SLF2: variants seen among roughly 807,000 people sequenced by gnomAD.
The protein encoded by SLF2 is SMC5-SMC6 complex localization factor protein 2.
SLF2 carries 68 observed loss-of-function variants against 124.3 expected under a neutral mutation model. That is an observed-to-expected ratio of 0.55 (90% confidence interval 0.45 to 0.67). The LOEUF (loss-of-function observed/expected upper bound fraction) is 0.67, where lower values mean the gene tolerates loss of function less well. Among genes scored for constraint, SLF2 ranks in the 30% least tolerant of loss-of-function variants. The pLI, the probability that SLF2 is intolerant of heterozygous loss-of-function variation, is 0.00. For synonymous variants in SLF2, 480 were observed against 478.8 expected (o/e 1.00, Z -0.03); for missense variants, 1,246 against 1,373.7 (o/e 0.91, Z 1.47).
At chr10:100,928,045 C>A (rs5787406) in intron 6 of SLF2, among the ~76,000 whole-genome samples, 6,145 of 13,660 alleles carry the variant, frequency 0.45, 1,755 homozygotes, top group South Asian at 0.65. Context: ...CCCCCCCCCC[C>A]CACACACACA....
Position 100,947,139 on chromosome 10 carries a change from A to C in SLF2, c.3032+3A>C. ...CCTAATTGGACATCACGTGGAAGGT[A>C]TTAAAAAGTGAAAATTAAACATTAA... On this transcript the variant is annotated splice_donor_region_variant and intron_variant, in intron 14 of 19. Coordinates refer to ENST00000238961, the MANE Select transcript of SLF2 (RefSeq NM_018121.4). The C allele has an allele frequency of 6.6e-7, 1 of 1,513,092 alleles. No individual in the cohort carries two copies. The highest frequency in any genetic ancestry group is 8.9e-7 in the Non-Finnish European group (1 of 1,128,820). 93.7% of individuals were successfully genotyped at this position (1,513,092 alleles called of 1,614,324 possible).
rs533244989 is a variant in SLF2, at chr10:100,930,853, C to A, written c.2334-123C>A. 16 of 718,108 alleles carry A rather than the reference C, an allele frequency of 2.2e-5. No homozygotes were observed. The African/African-American group carries it at 2.7e-4, about 12-fold the overall frequency. 44.5% of individuals were successfully genotyped at this position (718,108 alleles called of 1,614,324 possible). A position where few individuals can be genotyped will look rare whatever the true frequency, so the allele number is the denominator to read the frequency against. ...TCATCCATATTGGTATAGAGTCCAC[C>A]TCTATGGACTGAAGACAGTTTGCTT... On this transcript the variant is annotated intron_variant, in intron 8 of 19. Transcript: ENST00000238961.
rs72842157 is a variant in SLF2, at chr10:100,947,740, C to T, written c.3033-20C>T. On this transcript the variant is annotated intron_variant, in intron 14 of 19. Transcript: ENST00000238961. ...TATTAATTAAAATACATTCTAAATA[C>T]TTTTAACTTCTAATTCTAGGCAACT... is the stretch of plus-strand genomic sequence containing the variant. The T allele has an allele frequency of 6.5e-5, 101 of 1,552,332 alleles. No homozygotes were observed. The highest frequency in any genetic ancestry group is 8.7e-5 in the Non-Finnish European group (98 of 1,128,836).
chr10:100,924,978 T>G lies in SLF2; in HGVS notation c.1971+6T>G. 6.3e-7 allele frequency: 1 copy of G among 1,599,038 alleles called. No individual in the cohort carries two copies. Among genetic ancestry groups the G allele is most frequent in the Non-Finnish European group, 8.5e-7 (1 of 1,172,960 alleles). ...CTCAGTCATCAGACTATACAGTAAGTAGTTCTGTGACGTTTATCTTTACTT... is the reference window on the plus strand; with the variant it reads ...CTCAGTCATCAGACTATACAGTAAGGAGTTCTGTGACGTTTATCTTTACTT... On this transcript the variant is annotated splice_donor_region_variant and intron_variant, in intron 5 of 19. Transcript: ENST00000238961.
chr10:100,930,867 G>A (rs1207551808), intron 8 of SLF2, 109 bp from the exon 9 acceptor site: 1 of 805,260 alleles, frequency 1.2e-6, no homozygotes, highest in Non-Finnish European at 2.1e-6. Flanking sequence ...ATGGACTGAA[G>A]ACAGTTTGCT....
intron 1 of SLF2, 43 bp downstream of exon 1, chr10:100,913,293 A>C (rs1433910037): frequency 6.6e-7 from 1 of 1,516,842 alleles, no homozygotes; most frequent in Non-Finnish European, 8.9e-7. Flanking sequence ...TCGCGGGGGC[A>C]AGGGTATGAG....
At chr10:100,917,373 T>C (rs1849437622) in intron 3 of SLF2, 73 bp downstream of exon 3, 5 of 1,447,098 alleles carry the variant, frequency 3.5e-6, no homozygotes, top group Non-Finnish European at 3.7e-6. Flanking sequence ...TAAAAATATT[T>C]AAGAGTTGTT....
chr10:100,938,806 G>C, intron 11 of SLF2, 70 bp downstream of exon 11: 1 of 1,322,620 alleles, frequency 7.6e-7, no homozygotes, highest in Middle Eastern at 2.7e-4. Context: ...TATAGCTAAA[G>C]TTTAATATTT....
In SLF2 at chr10:100,945,311, G is replaced by A. The variant is rs1371821675; in HGVS notation, c.2758-19G>A. On this transcript the variant is annotated intron_variant, in intron 12 of 19. Coordinates refer to ENST00000238961, the MANE Select transcript of SLF2 (RefSeq NM_018121.4). ...TATACCTCCTAAAATATTTTTGTCT[G>A]TGCATTTATGTTAAACAGTTTCTAG... 2 of 1,540,252 alleles carry A rather than the reference G, an allele frequency of 1.3e-6. No individual in the cohort carries two copies. The highest frequency in any genetic ancestry group is 1.3e-5 in the South Asian group (1 of 76,754).
chr10:100,917,276 T>C lies in SLF2; in HGVS notation c.891T>C (p.Pro297=). 1 of 1,609,446 alleles carries C rather than the reference T, an allele frequency of 6.2e-7. No individual in the cohort carries two copies. Among genetic ancestry groups the C allele is most frequent in the East Asian group, 2.2e-5 (1 of 44,860 alleles). Residue 297 remains proline, a synonymous_variant, in exon 3 of 20, where the codon CCT becomes CCC. Coordinates refer to ENST00000238961, the MANE Select transcript of SLF2 (RefSeq NM_018121.4). ...QEQRKQNDII[P]GKNNLSNVEN... ...AAAGGAAACAGAATGACATCATACC[T>C]GGAAAAAATAATCTGTCAAATGTGG... is the stretch of plus-strand genomic sequence containing the variant.
chr10:100,953,900 C>A (rs1850273941), intron 17 of SLF2, among the ~76,000 whole-genome samples: 1 of 152,070 alleles, frequency 6.6e-6, no homozygotes, highest in African/African-American at 2.4e-5. Flanking sequence ...GATCCACCCG[C>A]CTCAGCCTCC....
intron 9 of SLF2, among the ~76,000 whole-genome samples, chr10:100,936,684 C>T (rs1050683037): frequency 1.3e-5 from 2 of 152,084 alleles, no homozygotes; most frequent in African/African-American, 4.8e-5. Flanking sequence ...TGATATTGAG[C>T]ATCTTTGAAA....
intron 18 of SLF2, 72 bp from the exon 19 acceptor site, chr10:100,959,356 G>C: frequency 7.3e-7 from 1 of 1,377,738 alleles, no homozygotes; most frequent in Non-Finnish European, 9.7e-7. Context: ...CAGATATTTT[G>C]TGTAGTGTTA....
chr10:100,946,150 AAG>A (rs1850099436), intron 13 of SLF2, among the ~76,000 whole-genome samples: 1 of 152,156 alleles, frequency 6.6e-6, no homozygotes, highest in African/African-American at 2.4e-5. Context: ...AAGTAAGGCA[AAG>A]AGTATAATAA....
In SLF2 at chr10:100,956,454, C is replaced by T. The variant is rs761854514; in HGVS notation, c.3334C>T (p.His1112Tyr). The change falls in exon 18 of 20, where the codon CAC becomes TAC. Residue 1112 changes from histidine (H) to tyrosine (Y), a missense_variant. This residue lies in a region of SLF2 where 535 missense variants were observed against 632.8 expected (regional missense o/e 0.85). Coordinates refer to ENST00000238961, the MANE Select transcript of SLF2 (RefSeq NM_018121.4). ...SHSFSSGQRK[H>Y]FVLLCGALEK... ...CCCTTGCATTTGTTTTGCACAGAAA[C>T]ACTTTGTGCTACTCTGTGGGGCTTT... 2 of 1,598,898 alleles carry T rather than the reference C, an allele frequency of 1.3e-6. No homozygotes were observed. Among genetic ancestry groups the T allele is most frequent in the South Asian group, 1.1e-5 (1 of 87,644 alleles).
Position 100,956,524 on chromosome 10 carries a change from T to C in SLF2, c.3404T>C (p.Phe1135Ser), listed in dbSNP as rs1408295898. 6.8e-6 allele frequency: 11 copies of C among 1,611,564 alleles called. No homozygotes were observed. Among genetic ancestry groups the C allele is most frequent in the Non-Finnish European group, 8.5e-6 (10 of 1,178,450 alleles). The change falls in exon 18 of 20, where the codon TTT (phenylalanine) becomes TCT (serine). Residue 1135 changes from phenylalanine (F) to serine (S), a missense_variant. This residue lies in a region of SLF2 where 535 missense variants were observed against 632.8 expected (regional missense o/e 0.85). Transcript: ENST00000238961. Reference protein sequence around the residue: ...KCDIREDARLFYRTKVKDLVA... With the variant: ...KCDIREDARLSYRTKVKDLVA... Reference sequence around the variant, plus strand: ...GATATTAGGGAAGATGCAAGACTTTTTTACAGAACTAAGGTAAGTGTGTTC... The same window carrying C: ...GATATTAGGGAAGATGCAAGACTTTCTTACAGAACTAAGGTAAGTGTGTTC...
intron 17 of SLF2, among the ~76,000 whole-genome samples, chr10:100,952,136 C>T (rs1220518266): frequency 2.6e-5 from 4 of 151,556 alleles, no homozygotes; most frequent in Admixed American, 6.6e-5. Flanking sequence ...CCCAGCCACT[C>T]GGGAGGCTGA....
rs1166909766 is a variant in SLF2, at chr10:100,938,786, TATATATA to T, written c.2654+53_2654+59del. The stretch of plus-strand genomic sequence containing the variant: ...GCCAAAAATATCATTTCGTACGACT[TATATATA>T]ATTATAGCTAAAGTTTAATATTTAT... On this transcript the variant is annotated intron_variant, in intron 11 of 19. Coordinates refer to ENST00000238961, the MANE Select transcript of SLF2 (RefSeq NM_018121.4). The T allele has an allele frequency of 2.1e-6, 3 of 1,436,762 alleles. No individual in the cohort carries two copies. The South Asian group carries it at 4.3e-5, about 21-fold the overall frequency. 89.0% of individuals were successfully genotyped at this position (1,436,762 alleles called of 1,614,324 possible). A position where few individuals can be genotyped will look rare whatever the true frequency, so the allele number is the denominator to read the frequency against.
chr10:100,941,626 C>T lies in SLF2; in HGVS notation c.2655-2400C>T, dbSNP rs550463760. 7.3e-4 allele frequency among the ~76,000 whole-genome samples: 111 copies of T among 152,272 alleles called. 2 individuals carry two copies. The highest frequency in any genetic ancestry group is 2.3e-3 in the African/African-American group (95 of 41,548). ...TTTATACCCTATATTTAAGACTTTA[C>T]GATTTTACCCTGACCTGTTTTCTGT... On this transcript the variant is annotated intron_variant, in intron 11 of 19. Coordinates refer to ENST00000238961, the MANE Select transcript of SLF2 (RefSeq NM_018121.4).
Sources: allele counts gnomAD v4.1 joint callset (sites outside exome capture counted in the v4.1 genomes callset), GRCh38; gene constraint gnomAD v4.1.1; regional missense constraint gnomAD v4.1.1; transcripts MANE v1.5; gene names NCBI Gene and HGNC (gene_info 2026-07-23, HGNC 2026-07-21).